The following SLC15A2 variants were observed in gnomAD, a reference collection of about 807,000 sequenced individuals.
SLC15A2 encodes the protein kidney H(+)/peptide cotransporter.
Under a neutral mutation model 95.5 loss-of-function variants are expected in SLC15A2, and 77 were observed. That is an observed-to-expected ratio of 0.81 (90% CI 0.67 to 0.97). The LOEUF is 0.97. SLC15A2 is among the 50% of genes least tolerant of loss of function. SLC15A2 has a pLI of 0.00. For missense variants in SLC15A2, 893 were observed against 874.4 expected (o/e 1.02, Z -0.27); for synonymous variants, 306 against 306.9 (o/e 1.00, Z 0.03).
intron 19 of SLC15A2, among the ~76,000 whole-genome samples, chr3:121,936,687 C>T (rs559802714): frequency 8.7e-4 from 131 of 151,240 alleles, no homozygotes; most frequent in African/African-American, 2.7e-3. Flanking sequence ...TTCCTGAATA[C>T]AGCACACTGA....
intron 8 of SLC15A2, 51 bp from the exon 9 acceptor site, chr3:121,922,724 A>G: frequency 1.5e-6 from 2 of 1,360,780 alleles, no homozygotes; most frequent in Non-Finnish European, 2.1e-6. Flanking sequence ...TGGAAAAGGC[A>G]GAGGATGTTT....
At chr3:121,908,894 C>T (rs1709707356) in intron 3 of SLC15A2, among the ~76,000 whole-genome samples, 1 of 151,964 alleles carries the variant, frequency 6.6e-6, no homozygotes, top group Non-Finnish European at 1.5e-5. Context: ...ACTTTGGGGC[C>T]AGATGTAGCG....
chr3:121,897,534 G>C lies in SLC15A2; in HGVS notation c.335+5G>C. 3.7e-6 allele frequency: 6 copies of C among 1,613,820 alleles called. No individual in the cohort carries two copies. Among genetic ancestry groups the C allele is most frequent in the Non-Finnish European group, 5.1e-6 (6 of 1,179,948 alleles). On this transcript the variant is annotated splice_donor_5th_base_variant and intron_variant, in intron 3 of 21. Coordinates refer to ENST00000489711, the MANE Select transcript of SLC15A2 (RefSeq NM_021082.4). ...CTCGTGGTTGGGAAAATTCAAGTAA[G>C]GAAGATGGGAGGTCACATCCCTACA... is the stretch of plus-strand genomic sequence containing the variant.
At chr3:121,901,034 G>A (rs966707417) in intron 3 of SLC15A2, among the ~76,000 whole-genome samples, 14 of 149,716 alleles carry the variant, frequency 9.4e-5, no homozygotes, top group Admixed American at 2.0e-4. Flanking sequence ...ATTTTTTGTC[G>A]TTGAGGCAAA....
Position 121,927,767 on chromosome 3 carries a change from GA to G in SLC15A2, c.1138del (p.Met380TrpfsTer5). 1 of 1,613,208 alleles carries G rather than the reference GA, an allele frequency of 6.2e-7. No individual in the cohort carries two copies. The highest frequency in any genetic ancestry group is 1.1e-5 in the South Asian group (1 of 91,078). ...KCGINFSSLRKMAVGMILACL... is the reference protein window; with the variant it reads ...KCGINFSSLRXMAVGMILACL... ...CTCCTTTCCACCACAGATCACTTAG[GA>G]AAATGGCTGTTGGTATGATCCTAGC... On this transcript the variant is annotated frameshift_variant, in exon 14 of 22. Coordinates refer to ENST00000489711, the MANE Select transcript of SLC15A2 (RefSeq NM_021082.4). LOFTEE classifies it high-confidence loss of function.
intron 17 of SLC15A2, 47 bp from the exon 18 acceptor site, chr3:121,930,792 TC>T: frequency 8.0e-7 from 1 of 1,246,774 alleles, no homozygotes. Flanking sequence ...ACCTCTTTTA[TC>T]AGGTGTTCCT....
intron 3 of SLC15A2, among the ~76,000 whole-genome samples, chr3:121,907,807 C>T (rs544015365): frequency 2.6e-5 from 4 of 152,354 alleles, no homozygotes; most frequent in South Asian, 2.1e-4. Flanking sequence ...TGAGAGGTGT[C>T]TCCCGGTTAG....
In SLC15A2 at chr3:121,941,099, A is replaced by C. The variant is rs1710456559; in HGVS notation, c.*92A>C. On this transcript the variant is annotated 3_prime_UTR_variant, in exon 22 of 22. Transcript: ENST00000489711. ...TGGATTAGACAAGAGAGATAGCAGC[A>C]TATCAGAGCTGATCTCCTCCACCTT... 1.1e-5 allele frequency: 13 copies of C among 1,155,398 alleles called. No homozygotes were observed. Among genetic ancestry groups the C allele is most frequent in the Non-Finnish European group, 1.6e-5 (13 of 819,666 alleles). 71.6% of individuals were successfully genotyped at this position (1,155,398 alleles called of 1,614,324 possible). A position where few individuals can be genotyped will look rare whatever the true frequency, so the allele number is the denominator to read the frequency against.
intron 19 of SLC15A2, among the ~76,000 whole-genome samples, chr3:121,933,445 A>G (rs1384377649): frequency 2.0e-5 from 3 of 151,394 alleles, no homozygotes; most frequent in Non-Finnish European, 4.4e-5. Context: ...CTTTTTAATG[A>G]TTGCCATTCT....
chr3:121,912,342 T>A (rs1709783552), intron 4 of SLC15A2, among the ~76,000 whole-genome samples: 1 of 152,108 alleles, frequency 6.6e-6, no homozygotes, highest in Non-Finnish European at 1.5e-5. Flanking sequence ...CAAGTGATTC[T>A]CCCACCTCAG....
At position 121,928,490 on chromosome 3, in the gene SLC15A2, G is replaced by A; in HGVS notation, c.1276G>A (p.Val426Met). 2 of 1,614,178 alleles carry A rather than the reference G, an allele frequency of 1.2e-6. No individual in the cohort carries two copies. The highest frequency in any genetic ancestry group is 1.7e-6 in the Non-Finnish European group (2 of 1,179,984). ...AGTCTTGAATCTGGCAGATGATGAG[G>A]TGAAGGTGACAGTGGTGGGAAATGA... ...LQVLNLADDE[V>M]KVTVVGNENN... Residue 426 changes from valine (V) to methionine (M), a missense_variant, in exon 15 of 22, where the codon GTG (valine) becomes ATG (methionine). Transcript: ENST00000489711.
intron 3 of SLC15A2, among the ~76,000 whole-genome samples, chr3:121,907,110 C>T (rs865780906): frequency 3.0e-4 from 46 of 152,294 alleles, no homozygotes; most frequent in Middle Eastern, 6.8e-3. Flanking sequence ...GATCTTCCAT[C>T]ACTGATACCC....
In SLC15A2 at chr3:121,925,038, G is replaced by A. The variant is rs1481175715; in HGVS notation, c.1124+5G>A. The A allele has an allele frequency of 3.1e-6, 5 of 1,587,800 alleles. No individual in the cohort carries two copies. Among genetic ancestry groups the A allele is most frequent in the Non-Finnish European group, 4.3e-6 (5 of 1,156,218 alleles). On this transcript the variant is annotated splice_donor_5th_base_variant and intron_variant, in intron 13 of 21. Transcript: ENST00000489711. Reference sequence around the variant, plus strand: ...CAAGTGTGGAATTAACTTCTCGTAAGTGTTCACTATGTCTGTATGGATTAC... The same window carrying A: ...CAAGTGTGGAATTAACTTCTCGTAAATGTTCACTATGTCTGTATGGATTAC...
chr3:121,919,976 G>T (rs981459049), intron 7 of SLC15A2, among the ~76,000 whole-genome samples: 13 of 152,178 alleles, frequency 8.5e-5, no homozygotes, highest in Non-Finnish European at 1.8e-4. Flanking sequence ...AGAATTAATA[G>T]ATCTGGTGGC....
intron 6 of SLC15A2, 94 bp from the exon 7 acceptor site, chr3:121,915,522 G>A: frequency 1.0e-6 from 1 of 992,734 alleles, no homozygotes; most frequent in South Asian, 1.3e-5. Flanking sequence ...TATTCTACAA[G>A]CTCAGGTTTA....
At chr3:121,900,513 G>C (rs910603259) in intron 3 of SLC15A2, among the ~76,000 whole-genome samples, 4 of 152,070 alleles carry the variant, frequency 2.6e-5, no homozygotes, top group African/African-American at 9.7e-5. Flanking sequence ...GCAATTTCTG[G>C]TGACTATTAA....
intron 3 of SLC15A2, among the ~76,000 whole-genome samples, chr3:121,910,342 G>A (rs1356239992): frequency 6.6e-6 from 1 of 151,968 alleles, no homozygotes; most frequent in African/African-American, 2.4e-5. Flanking sequence ...GATTATAGGT[G>A]CATGTCACCA....
In SLC15A2 at chr3:121,901,050, G is replaced by A. The variant is rs747015457; in HGVS notation, c.335+3521G>A. 9.9e-5 allele frequency among the ~76,000 whole-genome samples: 15 copies of A among 151,180 alleles called. 2 individuals are homozygous for A. Among genetic ancestry groups the A allele is most frequent in the Admixed American group, 3.3e-4 (5 of 15,132 alleles). On this transcript the variant is annotated intron_variant, in intron 3 of 21. Coordinates refer to ENST00000489711, the MANE Select transcript of SLC15A2 (RefSeq NM_021082.4). The stretch of plus-strand genomic sequence containing the variant: ...TTTTTTGTCGTTGAGGCAAAGTCTC[G>A]CTCTGTCACCCAGGCTGGAGTGCAG...
Position 121,911,467 on chromosome 3 carries a change from C to T in SLC15A2, c.336-107C>T, listed in dbSNP as rs371506732. 1.5e-4 allele frequency: 102 copies of T among 696,566 alleles called. No homozygotes were observed. In the African/African-American group the frequency reaches 1.8e-3, roughly 12 times the overall value. The allele number at this position is 696,566 out of a possible 1,614,324, so 43.1% of individuals were successfully genotyped here. A position where few individuals can be genotyped will look rare whatever the true frequency, so the allele number is the denominator to read the frequency against. On this transcript the variant is annotated intron_variant, in intron 3 of 21. Coordinates refer to ENST00000489711, the MANE Select transcript of SLC15A2 (RefSeq NM_021082.4). Reference sequence around the variant, plus strand: ...GATAATTCTTTCCTCCTCCCTCCTCCTCCTCCTCCATTTATCCCCACACTG... The same window carrying T: ...GATAATTCTTTCCTCCTCCCTCCTCTTCCTCCTCCATTTATCCCCACACTG...
Sources: allele counts gnomAD v4.1 joint callset (sites outside exome capture counted in the v4.1 genomes callset), GRCh38; gene constraint gnomAD v4.1.1; transcripts MANE v1.5; gene names NCBI Gene and HGNC (gene_info 2026-07-23, HGNC 2026-07-21).